Variants in COG5 observed in about 807,000 individuals in gnomAD.
COG5 encodes the protein component of oligomeric golgi complex 5.
Under a neutral mutation model 110.4 loss-of-function variants are expected in COG5, and 86 were observed. The observed-to-expected ratio is 0.78, with a 90% confidence interval of 0.65 to 0.93. The LOEUF (loss-of-function observed/expected upper bound fraction) is 0.93. Ranked by LOEUF, COG5 falls within the 40% of genes least tolerant of loss-of-function variation. COG5 has a pLI of 0.00. For missense variants in COG5, 1,077 were observed against 987.0 expected (o/e 1.09, Z -1.22); for synonymous variants, 360 against 334.6 (o/e 1.08, Z -0.83).
chr7:107,203,717 T>G, intron 21 of COG5, 87 bp from the exon 22 acceptor site: 1 of 858,788 alleles, frequency 1.2e-6, no homozygotes, highest in Non-Finnish European at 1.9e-6. Flanking sequence ...AAATTATTAG[T>G]AAGCTCATTT....
At chr7:107,493,988 C>T (rs769585258) in intron 6 of COG5, among the ~76,000 whole-genome samples, 3 of 152,056 alleles carry the variant, frequency 2.0e-5, no homozygotes, top group Non-Finnish European at 2.9e-5. Context: ...GACATGTCAT[C>T]TTTTCAAAAC....
intron 6 of COG5, among the ~76,000 whole-genome samples, chr7:107,423,322 A>G (rs887806929): frequency 6.6e-6 from 1 of 152,218 alleles, no homozygotes; most frequent in Admixed American, 6.5e-5. Flanking sequence ...AAAAGAAGAT[A>G]TAACTATGGA....
chr7:107,299,855 A>ATATATATATATATATATC (rs1562958233), intron 11 of COG5, among the ~76,000 whole-genome samples: 2 of 136,744 alleles, frequency 1.5e-5, no homozygotes, highest in Non-Finnish European at 3.1e-5. Flanking sequence ...ATATATATAT[A>ATATATATATATATATATC]TATCTGGAAT....
At chr7:107,412,370 T>G in intron 7 of COG5, 132 bp downstream of exon 7, 1 of 801,948 alleles carries the variant, frequency 1.2e-6, no homozygotes, top group Non-Finnish European at 2.0e-6. Context: ...CATTCTTTGA[T>G]TTAAATTGTA....
intron 17 of COG5, among the ~76,000 whole-genome samples, chr7:107,247,431 G>T (rs1022257265): frequency 6.6e-6 from 1 of 152,108 alleles, no homozygotes; most frequent in Admixed American, 6.5e-5. Context: ...AAAAGTAGAG[G>T]ACAGTGAAAT....
At position 107,467,341 on chromosome 7, in the gene COG5, T is replaced by C. The variant is rs576370705; in HGVS notation, c.539-54709A>G. ...CTACGGAAACAAGGATCTTCATAAA[T>C]TGATAATCTGAAATTATTATTATTT... On this transcript the variant is annotated intron_variant, in intron 6 of 21. Transcript: ENST00000297135. Among the ~76,000 whole-genome samples the C allele has an allele frequency of 5.9e-5, 9 of 152,224 alleles. No individual in the cohort carries two copies. In the South Asian group the frequency reaches 1.7e-3, roughly 28 times the overall value.
intron 15 of COG5, 91 bp from the exon 16 acceptor site, chr7:107,256,885 C>T: frequency 4.8e-6 from 4 of 841,962 alleles, no homozygotes; most frequent in East Asian, 2.6e-5. Flanking sequence ...GCTGTTTCCA[C>T]AAAGTATATA....
At chr7:107,521,714 AG>A (rs1440911737) in intron 6 of COG5, among the ~76,000 whole-genome samples, 1 of 152,358 alleles carries the variant, frequency 6.6e-6, no homozygotes, top group South Asian at 2.1e-4. Flanking sequence ...CAGTTGTGGA[AG>A]AAAGTGTGGC....
chr7:107,528,054 G>A (rs1039177950), intron 5 of COG5, among the ~76,000 whole-genome samples: 1 of 151,854 alleles, frequency 6.6e-6, no homozygotes, highest in Non-Finnish European at 1.5e-5. Context: ...TCCTGCAGGA[G>A]TAGTCTTAAA....
At chr7:107,328,047 A>AG (rs1809921706) in intron 10 of COG5, among the ~76,000 whole-genome samples, 2 of 152,244 alleles carry the variant, frequency 1.3e-5, no homozygotes, top group African/African-American at 4.8e-5. Context: ...ATGTCTATCA[A>AG]AGAATGAATG....
At chr7:107,298,822 A>G (rs1806992131) in intron 11 of COG5, among the ~76,000 whole-genome samples, 1 of 152,184 alleles carries the variant, frequency 6.6e-6, no homozygotes, top group Non-Finnish European at 1.5e-5. Flanking sequence ...AAAGGCTTCA[A>G]GCCATACAAA....
intron 6 of COG5, among the ~76,000 whole-genome samples, chr7:107,473,659 A>G (rs922696143): frequency 6.6e-6 from 1 of 151,988 alleles, no homozygotes; most frequent in African/African-American, 2.4e-5. Context: ...GTACCTACTC[A>G]CAACATTTAA....
chr7:107,413,025 G>A (rs1202840820), intron 6 of COG5, among the ~76,000 whole-genome samples: 1 of 151,500 alleles, frequency 6.6e-6, no homozygotes, highest in African/African-American at 2.4e-5. Context: ...TTTAAGAGAT[G>A]GGGGAAGTCT....
chr7:107,381,257 C>T (rs1006198757), intron 7 of COG5, among the ~76,000 whole-genome samples: 1 of 152,166 alleles, frequency 6.6e-6, no homozygotes. Context: ...AATTGTCTTT[C>T]CTGACACCTG....
At chr7:107,310,254 T>C (rs575392040) in intron 11 of COG5, among the ~76,000 whole-genome samples, 1 of 152,328 alleles carries the variant, frequency 6.6e-6, no homozygotes, top group East Asian at 1.9e-4. Context: ...TGTAGAAGCA[T>C]ATTAATATAC....
At chr7:107,361,687 G>A (rs781694573) in intron 10 of COG5, among the ~76,000 whole-genome samples, 9 of 152,028 alleles carry the variant, frequency 5.9e-5, no homozygotes, top group African/African-American at 1.9e-4. Context: ...TCAGCCTCCC[G>A]AGTAGCTGGG....
intron 8 of COG5, among the ~76,000 whole-genome samples, chr7:107,368,458 T>A (rs1289402424): frequency 6.6e-6 from 1 of 152,118 alleles, no homozygotes; most frequent in African/African-American, 2.4e-5. Context: ...AGAGAGGGGC[T>A]GGTTGTGATT....
chr7:107,298,163 A>G lies in COG5; in HGVS notation c.1292T>C (p.Ile431Thr). ...HMEDDAQDIF[I>T]PKKPDYDPEK... is the part of the protein sequence containing the mutation. Reference sequence around the variant, plus strand: ...ATACTCATAATCTGGCTTTTTTGGTATGAATATATCTTGTGCATCATCTTC... The same window carrying G: ...ATACTCATAATCTGGCTTTTTTGGTGTGAATATATCTTGTGCATCATCTTC... Residue 431 changes from isoleucine to threonine, a missense_variant, in exon 12 of 22, where the codon ATA becomes ACA. Ile to Thr is a moderately conservative substitution (Grantham distance 89). Transcript: ENST00000297135. 1 of 1,586,540 alleles carries G rather than the reference A, an allele frequency of 6.3e-7. No individual in the cohort carries two copies. The highest frequency in any genetic ancestry group is 1.2e-5 in the South Asian group (1 of 84,618).
chr7:107,467,459 C>A (rs1043254704), intron 6 of COG5, among the ~76,000 whole-genome samples: 7 of 152,086 alleles, frequency 4.6e-5, no homozygotes, highest in Non-Finnish European at 7.4e-5. Context: ...CAGGTTCAAG[C>A]GATTCTCATT....
Sources: allele counts gnomAD v4.1 joint callset (sites outside exome capture counted in the v4.1 genomes callset), GRCh38; gene constraint gnomAD v4.1.1; transcripts MANE v1.5; gene names NCBI Gene and HGNC (gene_info 2026-07-23, HGNC 2026-07-21).